KRTAP1-3: variants seen among roughly 807,000 people sequenced by gnomAD.
KRTAP1-3 encodes keratin associated protein 1-3, also known as keratin-associated protein 1-3.
KRTAP1-3 carries 10 observed loss-of-function variants against 11.8 expected under a neutral mutation model. The ratio of observed to expected loss-of-function variants is 0.85; its 90% CI spans 0.52 to 1.44. The LOEUF (loss-of-function observed/expected upper bound fraction) is 1.44. Among genes scored for constraint, KRTAP1-3 ranks in the 40% most tolerant of loss-of-function variants. The pLI is 0.00. For synonymous variants in KRTAP1-3, 74 were observed against 77.3 expected (o/e 0.96, Z 0.23); for missense variants, 176 against 217.2 (o/e 0.81, Z 1.19).
Position 41,034,686 on chromosome 17 carries a change from C to T in KRTAP1-3, c.136G>A (p.Gly46Arg), listed in dbSNP as rs756400880. The T allele has an allele frequency of 1.1e-5, 15 of 1,387,678 alleles. No individual in the cohort carries two copies. The highest frequency in any genetic ancestry group is 6.9e-5 in the Admixed American group (3 of 43,388). The allele number at this position is 1,387,678 out of a possible 1,614,324, so 86.0% of individuals were successfully genotyped here. The change falls in exon 1 of 1, where the codon GGA (glycine) becomes AGA (arginine). Residue 46 changes from glycine to arginine, a missense_variant. Physicochemically the swap from Gly to Arg is moderately radical, Grantham distance 125. Transcript: ENST00000344363. ...QPSCCQTSFC[G>R]FPSFSTSGTC... ...CCACTAGTTGAGAAGCTAGGAAATC[C>T]GCAGAAGCTGGTCTGGCAGCAGCTT... is the stretch of plus-strand genomic sequence containing the variant.
At position 41,034,865 on chromosome 17, in the gene KRTAP1-3, T is replaced by C. The variant is rs2012537378; in HGVS notation, c.-44A>G. On this transcript the variant is annotated 5_prime_UTR_variant, in exon 1 of 1. Transcript: ENST00000344363. ...GAAGTCTGGGTTGCTTGGAGGAGTT[T>C]CTGAGTTTTGGTGATGGCTGCCACA... The C allele has an allele frequency of 6.2e-7, 1 of 1,605,084 alleles. No individual in the cohort carries two copies. Among genetic ancestry groups the C allele is most frequent in the African/African-American group, 1.3e-5 (1 of 74,576 alleles).
At position 41,034,707 on chromosome 17, in the gene KRTAP1-3, A is replaced by T. The variant is rs768217715; in HGVS notation, c.115T>A (p.Cys39Ser). 17 of 1,610,294 alleles carry T rather than the reference A, an allele frequency of 1.1e-5. No individual in the cohort carries two copies. Among genetic ancestry groups the T allele is most frequent in the Non-Finnish European group, 1.3e-5 (15 of 1,178,390 alleles). ...AATCCGCAGAAGCTGGTCTGGCAGC[A>T]GCTTGGCTGGCAGCAGCTGGTCTCA... is the stretch of plus-strand genomic sequence containing the variant. ...CCETSCCQPS[C>S]CQTSFCGFPS... is the part of the protein sequence containing the mutation. Residue 39 changes from cysteine (C) to serine (S), a missense_variant, in exon 1 of 1, where the codon TGC becomes AGC. Coordinates refer to ENST00000344363, the MANE Select transcript of KRTAP1-3 (RefSeq NM_030966.2).
In KRTAP1-3 at chr17:41,034,215, G is replaced by C. The variant is rs2012510161; in HGVS notation, c.*103C>G. The C allele has an allele frequency of 7.1e-7, 1 of 1,407,234 alleles. No homozygotes were observed. 87.2% of individuals were successfully genotyped at this position (1,407,234 alleles called of 1,614,324 possible). A position where few individuals can be genotyped will look rare whatever the true frequency, so the allele number is the denominator to read the frequency against. ...AACCCCCATAAGAAAGACAAAGAAA[G>C]GTTGAAGAATTTGTTCGTTGTCCAT... On this transcript the variant is annotated 3_prime_UTR_variant, in exon 1 of 1. Transcript: ENST00000344363.
At position 41,033,894 on chromosome 17, in the gene KRTAP1-3, C is replaced by T; in HGVS notation, c.*424G>A. The T allele has an allele frequency of 5.7e-6, 1 of 176,094 alleles. No individual in the cohort carries two copies. The highest frequency in any genetic ancestry group is 6.1e-5 in the Admixed American group (1 of 16,452). 10.9% of individuals were successfully genotyped at this position (176,094 alleles called of 1,614,324 possible). A position where few individuals can be genotyped will look rare whatever the true frequency, so the allele number is the denominator to read the frequency against. On this transcript the variant is annotated 3_prime_UTR_variant, in exon 1 of 1. Transcript: ENST00000344363. ...AAAAAAAAAGATATGTTTGTTGCAC[C>T]AATAGTTAAAATTTATTAGACCTTG...
rs758831508 is a variant in KRTAP1-3, at chr17:41,034,623, C to CA, written c.198dup (p.Glu67Ter). 2.5e-6 allele frequency: 4 copies of CA among 1,613,284 alleles called. No homozygotes were observed. Among genetic ancestry groups the CA allele is most frequent in the Non-Finnish European group, 3.4e-6 (4 of 1,179,894 alleles). On this transcript the variant is annotated frameshift_variant, in exon 1 of 1. Transcript: ENST00000344363. LOFTEE classifies it high-confidence loss of function. ...CAGCTTGGCTGGCAGCAGCTGGTCT[C>CA]ACAGCAGCTTGGCTGGCAGCAACTG...
Sources: allele counts gnomAD v4.1 joint callset, GRCh38; gene constraint gnomAD v4.1.1; transcripts MANE v1.5; gene names NCBI Gene and HGNC (gene_info 2026-07-23, HGNC 2026-07-21).